CNTN2: variants seen among roughly 807,000 people sequenced by gnomAD.
The protein encoded by CNTN2 is contactin-2.
A neutral mutation model predicts 117.5 loss-of-function variants in CNTN2; 53 were observed. The ratio of observed to expected loss-of-function variants is 0.45; its 90% CI spans 0.36 to 0.57. CNTN2 has a LOEUF of 0.57. Ranked by LOEUF, CNTN2 falls within the 20% of genes least tolerant of loss-of-function variation. The probability of loss-of-function intolerance (pLI) is 0.00; values close to 1 mark genes in which losing one functional copy is unlikely to be tolerated. For synonymous variants in CNTN2, 530 were observed against 561.7 expected (o/e 0.94, Z 0.80); for missense variants, 1,106 against 1,404.3 (o/e 0.79, Z 3.39).
chr1:205,066,122 C>T (rs150196602), intron 14 of CNTN2: 1 of 660,320 alleles, frequency 1.5e-6, no homozygotes, highest in African/African-American at 1.8e-5. Context: ...AAAAAATCCA[C>T]TCCTAAACAC....
In CNTN2 at chr1:205,065,812, C is replaced by A. The variant is rs1240518866; in HGVS notation, c.1719C>A (p.Thr573=). The change falls in exon 14 of 23, where the codon ACC becomes ACA. Residue 573 remains threonine, a synonymous_variant. Coordinates refer to ENST00000331830, the MANE Select transcript of CNTN2 (RefSeq NM_005076.5). The surrounding 1 kb of genome is among the most constrained non-coding windows in gnomAD (Gnocchi z 4.1). ...AGAAGGAGACCATTGGGGATCTGAC[C>A]ATCCTGAACGCCCAGCTGCGCCATG... ...TNVKETIGDL[T]ILNAQLRHGG... 1.3e-6 allele frequency: 2 copies of A among 1,548,444 alleles called. No individual in the cohort carries two copies. The highest frequency in any genetic ancestry group is 2.8e-5 in the African/African-American group (2 of 71,802).
Position 205,066,599 on chromosome 1 carries a change from A to G in CNTN2, c.1975A>G (p.Asn659Asp), listed in dbSNP as rs41264871. ...PAGKWKQVRT[N>D]PANIEGNAET... is the part of the protein sequence containing the mutation. ...AGGGAAGTGGAAGCAGGTTCGGACC[A>G]GTAAGTGTGAGCCCCACCTGGGTCA... The change falls in exon 15 of 23, where the codon AAT (asparagine) becomes GAT (aspartate). Residue 659 changes from asparagine (N) to aspartate (D), a missense_variant and splice_region_variant. Asn to Asp is a conservative substitution (Grantham distance 23). Coordinates refer to ENST00000331830, the MANE Select transcript of CNTN2 (RefSeq NM_005076.5). 16,457 of 1,613,766 alleles carry G rather than the reference A, an allele frequency of 0.01. 121 individuals are homozygous for G. Among genetic ancestry groups the G allele is most frequent in the Non-Finnish European group, 0.012 (13,817 of 1,179,902 alleles).
intron 16 of CNTN2, chr1:205,068,769 T>C (rs1342564523): frequency 6.6e-6 from 1 of 152,206 alleles, no homozygotes; most frequent in Non-Finnish European, 1.5e-5. Flanking sequence ...CTCTTGCAAA[T>C]TACACGGTCC....
rs1380913516 is a variant in CNTN2 at position 205,071,928 on chromosome 1, G to A, written c.2545-19G>A. 5 of 1,598,630 alleles carry A rather than the reference G, an allele frequency of 3.1e-6. No homozygotes were observed. The highest frequency in any genetic ancestry group is 4.3e-6 in the Non-Finnish European group (5 of 1,173,370). On this transcript the variant is annotated intron_variant, in intron 19 of 22. Transcript: ENST00000331830. ...CCTGGGCTTGACTACTACCCCTTGGGTACCCCCGCCTCCTTCAGATCCGCT... is the reference window on the plus strand; with the variant it reads ...CCTGGGCTTGACTACTACCCCTTGGATACCCCCGCCTCCTTCAGATCCGCT...
intron 16 of CNTN2, 24 bp from the exon 17 acceptor site, chr1:205,069,467 T>C: frequency 6.2e-7 from 1 of 1,612,682 alleles, no homozygotes; most frequent in Non-Finnish European, 8.5e-7. Context: ...ACAAGCCATA[T>C]CGGTGTCCCT....
At chr1:205,051,619 C>T (rs1234397520) in intron 1 of CNTN2, among the ~76,000 whole-genome samples, 1 of 152,068 alleles carries the variant, frequency 6.6e-6, no homozygotes, top group Non-Finnish European at 1.5e-5. Flanking sequence ...GCTCCAACGC[C>T]CCCCACCCCC....
At position 205,074,726 on chromosome 1, in the gene CNTN2, C is replaced by A. The variant is rs567451665; in HGVS notation, c.*961C>A. ...CAGCTCGGCCTCCCCGACCTGCAGC[C>A]CCAGACTCTGCTCTCCCAGCACTGA... is the stretch of plus-strand genomic sequence containing the variant. On this transcript the variant is annotated 3_prime_UTR_variant, in exon 23 of 23. Coordinates refer to ENST00000331830, the MANE Select transcript of CNTN2 (RefSeq NM_005076.5). The A allele has an allele frequency of 2.5e-5, 10 of 399,038 alleles. No individual in the cohort carries two copies. The highest frequency in any genetic ancestry group is 1.8e-4 in the African/African-American group (9 of 48,726). 24.7% of individuals were successfully genotyped at this position (399,038 alleles called of 1,614,324 possible). A position where few individuals can be genotyped will look rare whatever the true frequency, so the allele number is the denominator to read the frequency against.
intron 10 of CNTN2, among the ~76,000 whole-genome samples, 163 bp from the exon 11 acceptor site, chr1:205,064,159 G>T (rs1654141586): frequency 6.6e-6 from 1 of 152,112 alleles, no homozygotes; most frequent in Non-Finnish European, 1.5e-5. Flanking sequence ...CCAGGCGGGA[G>T]ATTTGATAGC....
Position 205,054,403 on chromosome 1 carries a change from C to T in CNTN2, c.70+1148C>T, listed in dbSNP as rs924597223. On this transcript the variant is annotated intron_variant, in intron 2 of 22. Transcript: ENST00000331830. ...GGGCTGACTCAGAGTGTGGGGCGAG[C>T]CATCCAGCCCCCCAGGCCTCGCTAC... 1.4e-4 allele frequency among the ~76,000 whole-genome samples: 22 copies of T among 152,320 alleles called. 1 individual carries two copies. In the Middle Eastern group the frequency reaches 0.01, roughly 71 times the overall value.
Position 205,053,238 on chromosome 1 carries a change from C to T in CNTN2, c.53C>T (p.Ala18Val). ...CACCTGCTGCTGGTAGCTGCTGTGG[C>T]CCTTGTCTCCTCTTCAGGTAAGAGG... ...KPHLLLVAAVALVSSSAWSSA... is the reference protein window; with the variant it reads ...KPHLLLVAAVVLVSSSAWSSA... Residue 18 changes from alanine (A) to valine (V), a missense_variant, in exon 2 of 23, where the codon GCC (alanine) becomes GTC (valine). Transcript: ENST00000331830. The T allele has an allele frequency of 6.2e-7, 1 of 1,612,642 alleles. No homozygotes were observed. The highest frequency in any genetic ancestry group is 2.2e-5 in the East Asian group (1 of 44,816).
intron 2 of CNTN2, among the ~76,000 whole-genome samples, chr1:205,054,490 G>T (rs1338974783): frequency 6.6e-6 from 1 of 152,244 alleles, no homozygotes; most frequent in Non-Finnish European, 1.5e-5. Flanking sequence ...ACTGCACAGA[G>T]CAGGAGATGG....
Position 205,058,303 on chromosome 1 carries a change from C to G in CNTN2, c.338C>G (p.Ala113Gly). The change falls in exon 4 of 23, where the codon GCC becomes GGC. Residue 113 changes from alanine to glycine, a missense_variant. Coordinates refer to ENST00000331830, the MANE Select transcript of CNTN2 (RefSeq NM_005076.5). The surrounding 1 kb of genome is among the most constrained non-coding windows in gnomAD (Gnocchi z 4.3). ...AQDAGVYQCL[A>G]SNPVGTVVSR... ...GATGCCGGGGTCTACCAGTGCCTGG[C>G]CTCCAACCCAGTGGGCACCGTTGTC... 6.5e-7 allele frequency: 1 copy of G among 1,528,372 alleles called. No homozygotes were observed. The highest frequency in any genetic ancestry group is 8.8e-7 in the Non-Finnish European group (1 of 1,136,854). 94.7% of individuals were successfully genotyped at this position (1,528,372 alleles called of 1,614,324 possible). A position where few individuals can be genotyped will look rare whatever the true frequency, so the allele number is the denominator to read the frequency against.
rs1320025833 is a variant in CNTN2 at position 205,064,681 on chromosome 1, G to A, written c.1450G>A (p.Gly484Ser). ...IIRNISRSDE[G>S]KYTCFAENFM... ...AAGAAACATCAGCCGGTCAGATGAAGGCAAATACACCTGCTTTGCTGAGAA... is the reference window on the plus strand; with the variant it reads ...AAGAAACATCAGCCGGTCAGATGAAAGCAAATACACCTGCTTTGCTGAGAA... Residue 484 changes from glycine to serine, a missense_variant, in exon 12 of 23, where the codon GGC (glycine) becomes AGC (serine). By Grantham distance (56) the Gly-to-Ser change is moderately conservative. Coordinates refer to ENST00000331830, the MANE Select transcript of CNTN2 (RefSeq NM_005076.5). 1 of 1,614,156 alleles carries A rather than the reference G, an allele frequency of 6.2e-7. No homozygotes were observed. Among genetic ancestry groups the A allele is most frequent in the Non-Finnish European group, 8.5e-7 (1 of 1,180,016 alleles).
intron 10 of CNTN2, 131 bp downstream of exon 10, chr1:205,062,700 T>A (rs1338129400): frequency 1.9e-6 from 2 of 1,059,868 alleles, no homozygotes; most frequent in African/African-American, 3.3e-5. Flanking sequence ...TCCAACAGTT[T>A]CTAAGTAGGA....
At position 205,058,838 on chromosome 1, in the gene CNTN2, C is replaced by T. The variant is rs1419403691; in HGVS notation, c.487+175C>T. ...CCTTTATAGGTCTGTCACTTTCCAT[C>T]GTTGTGCCCTGCTTCCGCCTTCAAA... On this transcript the variant is annotated intron_variant, in intron 5 of 22. Transcript: ENST00000331830. The surrounding 1 kb of genome is among the most constrained non-coding windows in gnomAD (Gnocchi z 4.3). 12 of 670,436 alleles carry T rather than the reference C, an allele frequency of 1.8e-5. No individual in the cohort carries two copies. Among genetic ancestry groups the T allele is most frequent in the East Asian group, 1.4e-4 (5 of 36,682 alleles). 41.5% of individuals were successfully genotyped at this position (670,436 alleles called of 1,614,324 possible). A position where few individuals can be genotyped will look rare whatever the true frequency, so the allele number is the denominator to read the frequency against.
At position 205,062,547 on chromosome 1, in the gene CNTN2, C is replaced by G. The variant is rs763866888; in HGVS notation, c.1218C>G (p.Ala406=). 3.7e-6 allele frequency: 6 copies of G among 1,613,738 alleles called. No homozygotes were observed. The East Asian group carries it at 1.3e-4, about 36-fold the overall frequency. Residue 406 remains alanine (A), a synonymous_variant, in exon 10 of 23, where the codon GCC becomes GCG. Coordinates refer to ENST00000331830, the MANE Select transcript of CNTN2 (RefSeq NM_005076.5). ...VAENKHGTIY[A]SAELAVQALA... ...AGAATAAGCACGGTACCATCTACGC[C>G]AGCGCCGAGCTAGCCGTGCAAGGTA...
chr1:205,073,159 A>T lies in CNTN2; in HGVS notation c.2936A>T (p.His979Leu). ...ATCCCAGTGCCTGAAGACATTGGCC[A>T]TGCCCTGGTACAAATTCGGACCACA... Reference protein sequence around the residue: ...IEIPVPEDIGHALVQIRTTGP... With the variant: ...IEIPVPEDIGLALVQIRTTGP... Residue 979 changes from histidine to leucine, a missense_variant, in exon 22 of 23, where the codon CAT (histidine) becomes CTT (leucine). Coordinates refer to ENST00000331830, the MANE Select transcript of CNTN2 (RefSeq NM_005076.5). This position sits in a 1 kb window ranked among gnomAD's most constrained non-coding sequence, Gnocchi z 6.3. 6.2e-7 allele frequency: 1 copy of T among 1,614,170 alleles called. No homozygotes were observed. Among genetic ancestry groups the T allele is most frequent in the Non-Finnish European group, 8.5e-7 (1 of 1,180,020 alleles).
chr1:205,056,621 A>T (rs1653641293), intron 2 of CNTN2, among the ~76,000 whole-genome samples: 1 of 152,180 alleles, frequency 6.6e-6, no homozygotes, highest in Non-Finnish European at 1.5e-5. Flanking sequence ...TAATTAGTTA[A>T]TGGGGATCCC....
chr1:205,046,830 G>C (rs2096442257), intron 1 of CNTN2, among the ~76,000 whole-genome samples: 1 of 152,192 alleles, frequency 6.6e-6, no homozygotes, highest in Non-Finnish European at 1.5e-5. Context: ...GGGCAGGCAA[G>C]TAGGAAAACC....
Sources: gnomAD v4.1 joint callset for allele counts (sites outside exome capture counted in the v4.1 genomes callset) on GRCh38, gnomAD v4.1.1 for gene constraint, Gnocchi (gnomAD v3.1) non-coding constraint, MANE v1.5 for transcripts, NCBI Gene and HGNC (gene_info 2026-07-23, HGNC 2026-07-21) for gene names.